Variants in ADGRG2 observed in about 807,000 individuals in gnomAD.
ADGRG2 encodes the protein adhesion G protein-coupled receptor G2, also known as G protein-coupled receptor 64.
In ADGRG2, 26 loss-of-function variants were observed where a neutral mutation model predicts 74.1. The ratio of observed to expected loss-of-function variants is 0.35; its 90% CI spans 0.26 to 0.49. ADGRG2 has a LOEUF of 0.49. ADGRG2 is among the 20% of genes least tolerant of loss of function. ADGRG2 has a pLI of 0.99. For missense variants in ADGRG2, 619 were observed against 763.1 expected, an observed-to-expected ratio of 0.81 and a Z score of 2.22; for synonymous variants, 296 against 295.2, an observed-to-expected ratio of 1.00 and a Z score of -0.03.
At chrX:18,991,147 G>A (rs180960461) in intron 28 of ADGRG2, 99 bp from the exon 29 acceptor site, 56 of 423,381 alleles carry the variant, frequency 1.3e-4, no homozygotes, top group Non-Finnish European at 1.9e-4. Context: ...AGATGTATTT[G>A]TAAAATATGT....
chrX:19,048,066 C>G, intron 3 of ADGRG2, among the ~76,000 whole-genome samples: 1 of 110,748 alleles, frequency 9.0e-6, no homozygotes, highest in African/African-American at 3.3e-5. Context: ...GTTCTTGAGC[C>G]CCCAGCCCCC....
At chrX:19,015,644 G>A (rs750654229) in intron 15 of ADGRG2, among the ~76,000 whole-genome samples, 2 of 112,001 alleles carry the variant, frequency 1.8e-5, no homozygotes, top group Non-Finnish European at 1.9e-5. Flanking sequence ...ACTTGAACCC[G>A]GGTAGCGGAG....
chrX:19,101,124 T>C (rs1233697254), intron 1 of ADGRG2, among the ~76,000 whole-genome samples: 9 of 109,217 alleles, frequency 8.2e-5, no homozygotes. Context: ...TGTGTGTGTG[T>C]GTGTGTGTGT....
At chrX:19,009,242 A>C (rs1196026430) in intron 18 of ADGRG2, among the ~76,000 whole-genome samples, 1 of 108,939 alleles carries the variant, frequency 9.2e-6, no homozygotes, top group Non-Finnish European at 1.9e-5. Context: ...CAGTGGTGCA[A>C]TCTTGGCTCA....
At chrX:19,007,196 T>G in intron 20 of ADGRG2, 39 bp downstream of exon 20, 1 of 1,199,044 alleles carries the variant, frequency 8.3e-7, no homozygotes, top group East Asian at 3.0e-5. Flanking sequence ...GTACAAGGTG[T>G]TCCTGGTCAA....
In ADGRG2 at chrX:19,008,041, T is replaced by C; in HGVS notation, c.1505A>G (p.His502Arg). 1 of 1,193,152 alleles carries C rather than the reference T, an allele frequency of 8.4e-7. No homozygotes were observed. The highest frequency in any genetic ancestry group is 1.1e-6 in the Non-Finnish European group (1 of 878,959). ...PSSLMNNLPAHDMELASRVQF... is the reference protein window; with the variant it reads ...PSSLMNNLPARDMELASRVQF... ...AACCCTGGAAGCTAGCTCCATGTCA[T>C]GAGCTGGTAAATTATTCATCAGCGA... Residue 502 changes from histidine to arginine, a missense_variant, in exon 19 of 29, where the codon CAT becomes CGT. By Grantham distance (29) the His-to-Arg change is conservative. Around this residue, in one of 3 missense-constraint regions of ADGRG2, gnomAD observed 221 missense variants for 340.6 expected, o/e 0.65. Coordinates refer to ENST00000379869, the MANE Select transcript of ADGRG2 (RefSeq NM_001079858.3).
intron 16 of ADGRG2, 109 bp downstream of exon 16, chrX:19,013,577 G>A (rs995696751): frequency 5.8e-6 from 4 of 692,555 alleles, no homozygotes; most frequent in African/African-American, 2.2e-5. Context: ...TTAGAATCCC[G>A]AAAGGAAAGC....
intron 2 of ADGRG2, among the ~76,000 whole-genome samples, chrX:19,080,823 G>C (rs980051125): frequency 3.4e-4 from 37 of 110,237 alleles, no homozygotes; most frequent in African/African-American, 1.2e-3. Flanking sequence ...AGGCTCCTGA[G>C]TAGCTGGGAC....
At chrX:19,104,448 T>C (rs1421675625) in intron 1 of ADGRG2, among the ~76,000 whole-genome samples, 1 of 111,833 alleles carries the variant, frequency 8.9e-6, no homozygotes, top group Non-Finnish European at 1.9e-5. Flanking sequence ...TCAGGCTTAT[T>C]TCCAGCCATC....
In ADGRG2 at chrX:19,079,805, T is replaced by A. The variant is rs1468808927; in HGVS notation, c.-2+2897A>T. On this transcript the variant is annotated intron_variant, in intron 2 of 28. Transcript: ENST00000379869. ...AGGAAGCTTTATTCAATAAAACAAG[T>A]GAATCAATATCAGACGTGCAAGATT... is the stretch of plus-strand genomic sequence containing the variant. Among the ~76,000 whole-genome samples, 3 of 111,976 alleles carry A rather than the reference T, an allele frequency of 2.7e-5. No homozygotes were observed. The East Asian group carries it at 8.3e-4, about 31-fold the overall frequency.
chrX:19,094,153 T>TAGAGTATGGATAGATGGACAC, intron 1 of ADGRG2, among the ~76,000 whole-genome samples: 2 of 110,574 alleles, frequency 1.8e-5, no homozygotes, highest in South Asian at 7.8e-4. Context: ...TGGATAGACA[T>TAGAGTATGGATAGATGGACAC]AGAGTATGGA....
At chrX:19,092,278 A>C (rs987697232) in intron 1 of ADGRG2, among the ~76,000 whole-genome samples, 4 of 111,796 alleles carry the variant, frequency 3.6e-5, no homozygotes, top group Non-Finnish European at 7.5e-5. Context: ...AGAGTTAACA[A>C]CACCTTCCAG....
intron 3 of ADGRG2, among the ~76,000 whole-genome samples, chrX:19,066,758 G>A (rs1338885283): frequency 9.0e-6 from 1 of 111,128 alleles, no homozygotes; most frequent in Non-Finnish European, 1.9e-5. Flanking sequence ...ACCTCCTAAT[G>A]AGGATTCTTT....
At chrX:19,008,472 C>T (rs2060282801) in intron 18 of ADGRG2, among the ~76,000 whole-genome samples, 1 of 110,946 alleles carries the variant, frequency 9.0e-6, no homozygotes, top group Non-Finnish European at 1.9e-5. Context: ...TTAAGACCAG[C>T]CTGGCCAACA....
intron 1 of ADGRG2, among the ~76,000 whole-genome samples, chrX:19,088,598 T>C (rs1473265898): frequency 3.6e-5 from 4 of 111,385 alleles, no homozygotes; most frequent in Non-Finnish European, 7.5e-5. Flanking sequence ...AGTGATGCTG[T>C]CACCTCAGCC....
intron 14 of ADGRG2, among the ~76,000 whole-genome samples, chrX:19,020,248 G>C (rs2060561355): frequency 8.9e-6 from 1 of 111,743 alleles, no homozygotes; most frequent in South Asian, 3.7e-4. Flanking sequence ...AAAAATGATA[G>C]GTATGTGAGG....
intron 3 of ADGRG2, among the ~76,000 whole-genome samples, chrX:19,047,179 C>T (rs1454902497): frequency 1.8e-5 from 2 of 111,860 alleles, no homozygotes; most frequent in Non-Finnish European, 3.8e-5. Flanking sequence ...CTAAAATGTC[C>T]ACCCAAATAC....
intron 17 of ADGRG2, among the ~76,000 whole-genome samples, chrX:19,010,123 G>GTTT (rs946891811): frequency 3.2e-5 from 3 of 93,128 alleles, no homozygotes; most frequent in Non-Finnish European, 6.5e-5. Context: ...TTTTGTTTTT[G>GTTT]TTTTTTTTTT....
chrX:19,109,079 C>T (rs978090313), intron 1 of ADGRG2, among the ~76,000 whole-genome samples: 5 of 110,592 alleles, frequency 4.5e-5, no homozygotes, highest in African/African-American at 1.6e-4. Context: ...AGAAGAAGAA[C>T]GCTCTAAATA....
Sources: allele counts gnomAD v4.1 joint callset (sites outside exome capture counted in the v4.1 genomes callset), GRCh38; gene constraint gnomAD v4.1.1; regional missense constraint gnomAD v4.1.1; transcripts MANE v1.5; gene names NCBI Gene and HGNC (gene_info 2026-07-23, HGNC 2026-07-21).